ZC3H12B: variants seen among roughly 807,000 people sequenced by gnomAD.
ZC3H12B encodes the protein probable ribonuclease ZC3H12B.
In ZC3H12B, 7 loss-of-function variants were observed where a neutral mutation model predicts 43.9. The ratio of observed to expected loss-of-function variants is 0.16; its 90% confidence interval spans 0.09 to 0.30. The LOEUF is 0.30. Among genes scored for constraint, ZC3H12B ranks in the 10% least tolerant of loss-of-function variants. The probability of loss-of-function intolerance (pLI) is 1.00; values close to 1 mark genes in which losing one functional copy is unlikely to be tolerated. For synonymous variants in ZC3H12B, 222 were observed against 241.7 expected (o/e 0.92, Z 0.76); for missense variants, 475 against 670.2 (o/e 0.71, Z 3.22).
At chrX:65,285,603 C>G in the ZC3H12B span, among the ~76,000 whole-genome samples, 1 of 111,221 alleles carries the variant, frequency 9.0e-6, no homozygotes, top group Non-Finnish European at 1.9e-5. Flanking sequence ...CACCCAACAA[C>G]AAAATTATTT....
At chrX:65,504,808 T>A (rs1416734178) in exon 5 of ZC3H12B, 1 of 112,789 alleles carries the variant, frequency 8.9e-6, no homozygotes. Context: ...CTTTGGGTAA[T>A]AAGGTCAATC....
At chrX:65,215,670 T>C in the ZC3H12B span, among the ~76,000 whole-genome samples, 1 of 111,567 alleles carries the variant, frequency 9.0e-6, no homozygotes, top group African/African-American at 3.3e-5. Context: ...GCATGTTCAC[T>C]GGAGTAACAC....
intron 3 of ZC3H12B, among the ~76,000 whole-genome samples, chrX:65,431,907 C>T (rs1361422242): frequency 8.9e-6 from 1 of 112,248 alleles, no homozygotes; most frequent in Non-Finnish European, 1.9e-5. Flanking sequence ...CCACTGTCTT[C>T]CAGGAATGTT....
chrX:65,270,896 C>A, the ZC3H12B span: 2 of 111,109 alleles, frequency 1.8e-5, no homozygotes, highest in African/African-American at 6.5e-5. Flanking sequence ...CATCCTGGAG[C>A]GCCATCCCCA....
intron 3 of ZC3H12B, among the ~76,000 whole-genome samples, chrX:65,411,594 C>A (rs1475958057): frequency 9.1e-6 from 1 of 110,022 alleles, no homozygotes; most frequent in Non-Finnish European, 1.9e-5. Context: ...GGCGTGGTGG[C>A]ACACACCTGT....
At chrX:65,367,430 G>A (rs1048371680) in intron 1 of ZC3H12B, among the ~76,000 whole-genome samples, 16 of 111,269 alleles carry the variant, frequency 1.4e-4, no homozygotes, top group Admixed American at 2.9e-4. Context: ...TGAACATGTC[G>A]CACATCTAAT....
At chrX:65,073,331 G>T in the ZC3H12B span, among the ~76,000 whole-genome samples, 10 of 112,154 alleles carry the variant, frequency 8.9e-5, no homozygotes, top group Non-Finnish European at 1.9e-4. Context: ...GAGGGGACAG[G>T]TTGTTATGTG....
chrX:65,218,074 A>G, the ZC3H12B span, among the ~76,000 whole-genome samples: 1 of 112,467 alleles, frequency 8.9e-6, no homozygotes, highest in East Asian at 2.8e-4. Flanking sequence ...AAAGAAAAGC[A>G]AGTAACATAT....
chrX:65,427,662 G>A (rs2148100237), intron 3 of ZC3H12B, among the ~76,000 whole-genome samples: 1 of 111,649 alleles, frequency 9.0e-6, no homozygotes, highest in South Asian at 3.8e-4. Flanking sequence ...GTGTGTCTTT[G>A]CATATGAGAT....
chrX:65,131,725 G>A, the ZC3H12B span, among the ~76,000 whole-genome samples: 1 of 111,557 alleles, frequency 9.0e-6, no homozygotes, highest in East Asian at 2.8e-4. Flanking sequence ...GTTGGGGTTT[G>A]GGAGATTAGC....
the ZC3H12B span, among the ~76,000 whole-genome samples, chrX:65,342,104 G>A: frequency 9.0e-6 from 1 of 111,246 alleles, no homozygotes; most frequent in Non-Finnish European, 1.9e-5. Flanking sequence ...AAAAAAACAG[G>A]AGTTGCAGTC....
the ZC3H12B span, among the ~76,000 whole-genome samples, chrX:65,160,496 G>T: frequency 1.8e-5 from 2 of 111,726 alleles, no homozygotes; most frequent in Admixed American, 9.5e-5. Context: ...TTGGGAGGTT[G>T]TATGTGTCGA....
the ZC3H12B span, among the ~76,000 whole-genome samples, chrX:65,186,783 T>C: frequency 9.0e-6 from 1 of 111,536 alleles, no homozygotes; most frequent in South Asian, 3.8e-4. Context: ...GAACATAAAA[T>C]ATTTGGTTTT....
At chrX:65,203,247 C>T in the ZC3H12B span, among the ~76,000 whole-genome samples, 10 of 112,140 alleles carry the variant, frequency 8.9e-5, no homozygotes, top group Non-Finnish European at 1.3e-4. Context: ...GTACCTAAGG[C>T]GTGAGACAAA....
At chrX:65,151,622 G>C in the ZC3H12B span, among the ~76,000 whole-genome samples, 1 of 111,377 alleles carries the variant, frequency 9.0e-6, no homozygotes, top group Non-Finnish European at 1.9e-5. Context: ...ATAACTTTGT[G>C]GTTTTTTTCT....
At chrX:65,328,436 T>A in the ZC3H12B span, 1 of 260,866 alleles carries the variant, frequency 3.8e-6, no homozygotes, top group Non-Finnish European at 7.6e-6. Context: ...GGTAATTAAG[T>A]CCCAGTCACC....
At chrX:65,436,063 C>T (rs1409293341) in intron 3 of ZC3H12B, among the ~76,000 whole-genome samples, 1 of 111,981 alleles carries the variant, frequency 8.9e-6, no homozygotes, top group East Asian at 2.8e-4. Flanking sequence ...GTTGGGGAGG[C>T]CTCAGGAAAC....
At chrX:65,085,744 T>G in the ZC3H12B span, among the ~76,000 whole-genome samples, 1 of 109,522 alleles carries the variant, frequency 9.1e-6, no homozygotes, top group Non-Finnish European at 1.9e-5. Flanking sequence ...TTCACTTCAG[T>G]ATGGGCTATA....
intron 3 of ZC3H12B, among the ~76,000 whole-genome samples, chrX:65,409,172 G>T (rs1233724961): frequency 9.0e-6 from 1 of 110,703 alleles, no homozygotes; most frequent in East Asian, 2.8e-4. Context: ...AAAAAAATAG[G>T]CTTTGTGTAT....
Sources: gnomAD v4.1 joint callset for allele counts (sites outside exome capture counted in the v4.1 genomes callset) on GRCh38, gnomAD v4.1.1 for gene constraint, MANE v1.5 for transcripts, NCBI Gene and HGNC (gene_info 2026-07-23, HGNC 2026-07-21) for gene names.